The following GTPBP2 variants were observed in gnomAD, a reference collection of about 807,000 sequenced individuals.
The protein encoded by GTPBP2 is GTP binding protein 2, also known as GTP-binding protein 2.
GTPBP2 carries 32 observed loss-of-function variants against 63.0 expected under a neutral mutation model. The ratio of observed to expected loss-of-function variants is 0.51; its 90% confidence interval spans 0.38 to 0.68. The LOEUF (loss-of-function observed/expected upper bound fraction) is 0.68. Ranked by LOEUF, GTPBP2 falls within the 30% of genes least tolerant of loss-of-function variation. The pLI, the probability that GTPBP2 is intolerant of heterozygous loss-of-function variation, is 0.00. For missense variants in GTPBP2, 492 were observed against 796.9 expected (o/e 0.62, Z 4.61); for synonymous variants, 310 against 322.6 (o/e 0.96, Z 0.42).
chr6:43,629,711 C>T (rs1260562337), upstream of GTPBP2: 19 of 1,550,362 alleles, frequency 1.2e-5, no homozygotes, highest in East Asian at 1.5e-4. Flanking sequence ...CTGGTGCCGC[C>T]AGCCTGCTGG....
In GTPBP2 at chr6:43,622,479, T is replaced by C. The variant is rs1582342126; in HGVS notation, c.1467+154A>G. ...ACCTCATGAGTACGTTAAGCTGTTT[T>C]TATAGTCTACGTAGCTAGACCAGAA... On this transcript the variant is annotated intron_variant, in intron 10 of 11. Transcript: ENST00000307126. The surrounding 1 kb of genome is among the most constrained non-coding windows in gnomAD (Gnocchi z 5.4). 4.4e-6 allele frequency: 1 copy of C among 226,488 alleles called. No individual in the cohort carries two copies. The highest frequency in any genetic ancestry group is 1.8e-4 in the East Asian group (1 of 5,490). 14.0% of individuals were successfully genotyped at this position (226,488 alleles called of 1,614,324 possible). A position where few individuals can be genotyped will look rare whatever the true frequency, so the allele number is the denominator to read the frequency against.
At chr6:43,627,335 T>G (rs1769452098) in intron 1 of GTPBP2, 2 of 1,021,232 alleles carry the variant, frequency 2.0e-6, no homozygotes, top group South Asian at 8.6e-5. Flanking sequence ...AACCTTTCTT[T>G]GTCACTGGTC....
Position 43,629,114 on chromosome 6 carries a change from C to T in GTPBP2, c.49G>A (p.Gly17Arg). ...AGGGTTCCGCCCACGGCCGGGCCCC[C>T]TCCGGGCCGGCAGCAGCCGCCGAAC... ...ELFGGCCRPG[G>R]GPAVGGTLKA... The change falls in exon 1 of 12, where the codon GGG becomes AGG. Residue 17 changes from glycine (G) to arginine (R), a missense_variant. Physicochemically the swap from Gly to Arg is moderately radical, Grantham distance 125. Transcript: ENST00000307126. 6.5e-7 allele frequency: 1 copy of T among 1,540,660 alleles called. No individual in the cohort carries two copies.
Position 43,626,319 on chromosome 6 carries a change from T to G in GTPBP2, c.305A>C (p.Tyr102Ser). Residue 102 changes from tyrosine to serine, a missense_variant, in exon 3 of 12, where the codon TAC (tyrosine) becomes TCC (serine). This residue lies in a region of GTPBP2 where 400 missense variants were observed against 710.8 expected (regional missense o/e 0.56). Transcript: ENST00000307126. This position sits in a 1 kb window ranked among gnomAD's most constrained non-coding sequence, Gnocchi z 4.0. The stretch of plus-strand genomic sequence containing the variant: ...CCCATTGTCCTCTACCCCAATCTGG[T>G]AGACGGCCTCACCACGTCCCTCCTG... The part of the protein sequence containing the change: ...RLQEGRGEAV[Y>S]QIGVEDNGLL... 1 of 1,614,208 alleles carries G rather than the reference T, an allele frequency of 6.2e-7. No homozygotes were observed. Among genetic ancestry groups the G allele is most frequent in the Non-Finnish European group, 8.5e-7 (1 of 1,180,022 alleles).
At position 43,622,015 on chromosome 6, in the gene GTPBP2, C is replaced by A. The variant is rs1768781634; in HGVS notation, c.1620G>T (p.Lys540Asn). Reference sequence around the variant, plus strand: ...AGGTCCCTCTCACCTTGGCATGGATCTTTTCCACCACTGCCGTCTGACGTA... The same window carrying A: ...AGGTCCCTCTCACCTTGGCATGGATATTTTCCACCACTGCCGTCTGACGTA... ...GNVRQTAVVE[K>N]IHAKDKLRTG... The change falls in exon 11 of 12, where the codon AAG becomes AAT. Residue 540 changes from lysine to asparagine, a missense_variant. Physicochemically the swap from Lys to Asn is moderately conservative, Grantham distance 94. Around this residue, in one of 2 missense-constraint regions of GTPBP2, gnomAD observed 400 missense variants for 710.8 expected, o/e 0.56. Transcript: ENST00000307126. The surrounding 1 kb of genome is among the most constrained non-coding windows in gnomAD (Gnocchi z 5.4). 6.2e-7 allele frequency: 1 copy of A among 1,614,220 alleles called. No homozygotes were observed. The highest frequency in any genetic ancestry group is 1.3e-5 in the African/African-American group (1 of 75,050).
Position 43,626,386 on chromosome 6 carries a change from A to T in GTPBP2, c.238T>A (p.Tyr80Asn). The change falls in exon 3 of 12, where the codon TAC becomes AAC. Residue 80 changes from tyrosine (Y) to asparagine (N), a missense_variant. Coordinates refer to ENST00000307126, the MANE Select transcript of GTPBP2 (RefSeq NM_019096.5). This position sits in a 1 kb window ranked among gnomAD's most constrained non-coding sequence, Gnocchi z 4.0. ...TGTGTCACCAGGTGCTCAAAGCGGT[A>T]CTGGGATGGATTCACCAGCTTCAAC... The part of the protein sequence containing the change: ...YKLKLVNPSQ[Y>N]RFEHLVTQMK... 6.2e-7 allele frequency: 1 copy of T among 1,614,206 alleles called. No homozygotes were observed. Among genetic ancestry groups the T allele is most frequent in the Non-Finnish European group, 8.5e-7 (1 of 1,180,026 alleles).
At chr6:43,629,427 G>C, upstream of GTPBP2, 2 of 567,118 alleles carry the variant, frequency 3.5e-6, no homozygotes, top group South Asian at 2.2e-5. Context: ...CGGCGCAAGT[G>C]GCCGCGGGAG....
chr6:43,622,606 C>A lies in GTPBP2; in HGVS notation c.1467+27G>T. ...CTCCTAGGCACTTCTCTTAGCGTTCCCTCCCCAACCCATGCACCCACCTCA... is the reference window on the plus strand; with the variant it reads ...CTCCTAGGCACTTCTCTTAGCGTTCACTCCCCAACCCATGCACCCACCTCA... On this transcript the variant is annotated intron_variant, in intron 10 of 11. Coordinates refer to ENST00000307126, the MANE Select transcript of GTPBP2 (RefSeq NM_019096.5). This position sits in a 1 kb window ranked among gnomAD's most constrained non-coding sequence, Gnocchi z 5.4. The A allele has an allele frequency of 6.3e-7, 1 of 1,590,748 alleles. No individual in the cohort carries two copies. Among genetic ancestry groups the A allele is most frequent in the Middle Eastern group, 1.7e-4 (1 of 5,970 alleles).
At position 43,629,155 on chromosome 6, in the gene GTPBP2, G is replaced by A. The variant is rs1409184000; in HGVS notation, c.8C>T (p.Ser3Leu). The A allele has an allele frequency of 2.8e-6, 4 of 1,421,242 alleles. No homozygotes were observed. Among genetic ancestry groups the A allele is most frequent in the Non-Finnish European group, 3.7e-6 (4 of 1,095,254 alleles). The allele number at this position is 1,421,242 out of a possible 1,614,324, so 88.0% of individuals were successfully genotyped here. A position where few individuals can be genotyped will look rare whatever the true frequency, so the allele number is the denominator to read the frequency against. ...GCCGCCGAACAGCTCCGATACCCGC[G>A]AGTCCATCCGCCGCTGCCGCCAGCC... is the stretch of plus-strand genomic sequence containing the variant. MD[S>L]RVSELFGGCC... The change falls in exon 1 of 12, where the codon TCG (serine) becomes TTG (leucine). Residue 3 changes from serine (S) to leucine (L), a missense_variant. This residue lies in a region of GTPBP2 where 92 missense variants were observed against 86.1 expected (regional missense o/e 1.07). Coordinates refer to ENST00000307126, the MANE Select transcript of GTPBP2 (RefSeq NM_019096.5).
In GTPBP2 at chr6:43,628,993, G is replaced by C. The variant is rs774793705; in HGVS notation, c.170C>G (p.Pro57Arg). ...RNRGGKANNP[P>R]YLPPEAEDGN... Reference sequence around the variant, plus strand: ...GGTGCTCACCTCGGGGGGCAAATACGGGGGGTTGTTGGCTTTGCCCCCTCT... The same window carrying C: ...GGTGCTCACCTCGGGGGGCAAATACCGGGGGTTGTTGGCTTTGCCCCCTCT... Residue 57 changes from proline (P) to arginine (R), a missense_variant, in exon 1 of 12, where the codon CCG (proline) becomes CGG (arginine). Physicochemically the swap from Pro to Arg is moderately radical, Grantham distance 103. Transcript: ENST00000307126. 1 of 1,613,630 alleles carries C rather than the reference G, an allele frequency of 6.2e-7. No homozygotes were observed. Among genetic ancestry groups the C allele is most frequent in the Non-Finnish European group, 8.5e-7 (1 of 1,179,640 alleles).
chr6:43,629,215 TCGC>T lies in GTPBP2; in HGVS notation c.-56_-54del. On this transcript the variant is annotated 5_prime_UTR_variant, in exon 1 of 12. Coordinates refer to ENST00000307126, the MANE Select transcript of GTPBP2 (RefSeq NM_019096.5). ...GCCCCTCCCCCGACCGCCGCCGCCGTCGCCGCCGCCCTTACTGCCACTGCCGTG... is the reference window on the plus strand; with the variant it reads ...GCCCCTCCCCCGACCGCCGCCGCCGTCGCCGCCCTTACTGCCACTGCCGTG... 8.4e-7 allele frequency: 1 copy of T among 1,192,908 alleles called. No homozygotes were observed. The highest frequency in any genetic ancestry group is 1.1e-6 in the Non-Finnish European group (1 of 940,712). 73.9% of individuals were successfully genotyped at this position (1,192,908 alleles called of 1,614,324 possible).
Position 43,625,164 on chromosome 6 carries a change from T to C in GTPBP2, c.706-102A>G. On this transcript the variant is annotated intron_variant, in intron 5 of 11. Coordinates refer to ENST00000307126, the MANE Select transcript of GTPBP2 (RefSeq NM_019096.5). The surrounding 1 kb of genome is among the most constrained non-coding windows in gnomAD (Gnocchi z 5.1). ...TTCCCTGGGTGACCCTGCCTCTTAA[T>C]CTTGACCCCATTTTTTATTTAATTT... The C allele has an allele frequency of 8.5e-7, 1 of 1,181,838 alleles. No homozygotes were observed. Among genetic ancestry groups the C allele is most frequent in the East Asian group, 2.3e-5 (1 of 42,740 alleles). The allele number at this position is 1,181,838 out of a possible 1,614,324, so 73.2% of individuals were successfully genotyped here. A position where few individuals can be genotyped will look rare whatever the true frequency, so the allele number is the denominator to read the frequency against.
upstream of GTPBP2, chr6:43,629,273 G>T: frequency 1.2e-6 from 1 of 815,054 alleles, no homozygotes; most frequent in Non-Finnish European, 1.8e-6. Context: ...GTGGGGTGGG[G>T]CTCTGCACAA....
At position 43,620,992 on chromosome 6, in the gene GTPBP2, G is replaced by A. The variant is rs1428497850; in HGVS notation, c.*622C>T. On this transcript the variant is annotated 3_prime_UTR_variant, in exon 12 of 12. Coordinates refer to ENST00000307126, the MANE Select transcript of GTPBP2 (RefSeq NM_019096.5). ...GCCGGGAGGGGATGGGGGAGATAGG[G>A]ACTGGGGAAATGGCCCTTGAGTGAA... The A allele has an allele frequency of 5.1e-6, 1 of 194,614 alleles. No individual in the cohort carries two copies. Among genetic ancestry groups the A allele is most frequent in the South Asian group, 9.9e-5 (1 of 10,092 alleles). 12.1% of individuals were successfully genotyped at this position (194,614 alleles called of 1,614,324 possible). A position where few individuals can be genotyped will look rare whatever the true frequency, so the allele number is the denominator to read the frequency against.
Position 43,625,176 on chromosome 6 carries a change from T to C in GTPBP2, c.706-114A>G. The C allele has an allele frequency of 8.8e-7, 1 of 1,130,690 alleles. No individual in the cohort carries two copies. Among genetic ancestry groups the C allele is most frequent in the Non-Finnish European group, 1.3e-6 (1 of 780,798 alleles). The allele number at this position is 1,130,690 out of a possible 1,614,324, so 70.0% of individuals were successfully genotyped here. A position where few individuals can be genotyped will look rare whatever the true frequency, so the allele number is the denominator to read the frequency against. ...CCCTGCCTCTTAATCTTGACCCCAT[T>C]TTTTATTTAATTTAGTTGATTCCCC... On this transcript the variant is annotated intron_variant, in intron 5 of 11. Transcript: ENST00000307126. The surrounding 1 kb of genome is among the most constrained non-coding windows in gnomAD (Gnocchi z 5.1).
Position 43,625,806 on chromosome 6 carries a change from G to C in GTPBP2, c.457C>G (p.Pro153Ala). ...ACTAGCACCTCGGTGATCTTCCGGGGCATGTCGCTATCATAATCCACTTCT... is the reference window on the plus strand; with the variant it reads ...ACTAGCACCTCGGTGATCTTCCGGGCCATGTCGCTATCATAATCCACTTCT... ...EREVDYDSDM[P>A]RKITEVLVRK... Residue 153 changes from proline to alanine, a missense_variant, in exon 4 of 12, where the codon CCC (proline) becomes GCC (alanine). Pro to Ala is a conservative substitution (Grantham distance 27). Around this residue, in one of 2 missense-constraint regions of GTPBP2, gnomAD observed 400 missense variants for 710.8 expected, o/e 0.56. Coordinates refer to ENST00000307126, the MANE Select transcript of GTPBP2 (RefSeq NM_019096.5). This position sits in a 1 kb window ranked among gnomAD's most constrained non-coding sequence, Gnocchi z 5.1. 1 of 1,614,032 alleles carries C rather than the reference G, an allele frequency of 6.2e-7. No individual in the cohort carries two copies. Among genetic ancestry groups the C allele is most frequent in the Non-Finnish European group, 8.5e-7 (1 of 1,179,972 alleles).
Position 43,624,983 on chromosome 6 carries a change from G to A in GTPBP2, c.785C>T (p.Ala262Val), listed in dbSNP as rs1769180115. Residue 262 changes from alanine (A) to valine (V), a missense_variant, in exon 6 of 12, where the codon GCA becomes GTA. Coordinates refer to ENST00000307126, the MANE Select transcript of GTPBP2 (RefSeq NM_019096.5). This position sits in a 1 kb window ranked among gnomAD's most constrained non-coding sequence, Gnocchi z 5.1. Reference protein sequence around the residue: ...SSKMITFIDLAGHHKYLHTTI... With the variant: ...SSKMITFIDLVGHHKYLHTTI... ...GGTGTGTAGGTACTTATGGTGGCCT[G>A]CCAGGTCGATGAAGGTGATCATCTT... The A allele has an allele frequency of 1.9e-6, 3 of 1,613,796 alleles. No individual in the cohort carries two copies. The highest frequency in any genetic ancestry group is 2.5e-6 in the Non-Finnish European group (3 of 1,179,930).
At chr6:43,623,039 C>G in intron 9 of GTPBP2, 1 of 528,246 alleles carries the variant, frequency 1.9e-6, no homozygotes, top group Non-Finnish European at 3.4e-6. Context: ...GGTTTAACAA[C>G]ACCGAACACC....
At position 43,626,319 on chromosome 6, in the gene GTPBP2, T is replaced by TA; in HGVS notation, c.304dup (p.Tyr102LeufsTer16). The TA allele has an allele frequency of 6.2e-7, 1 of 1,614,208 alleles. No individual in the cohort carries two copies. The highest frequency in any genetic ancestry group is 8.5e-7 in the Non-Finnish European group (1 of 1,180,022). On this transcript the variant is annotated frameshift_variant, in exon 3 of 12. Transcript: ENST00000307126. LOFTEE classifies it high-confidence loss of function. The surrounding 1 kb of genome is among the most constrained non-coding windows in gnomAD (Gnocchi z 4.0). The stretch of plus-strand genomic sequence containing the variant: ...CCCATTGTCCTCTACCCCAATCTGG[T>TA]AGACGGCCTCACCACGTCCCTCCTG...
Sources: gnomAD v4.1 joint callset for allele counts on GRCh38, gnomAD v4.1.1 for gene constraint, gnomAD v4.1.1 regional missense constraint, Gnocchi (gnomAD v3.1) non-coding constraint, MANE v1.5 for transcripts, NCBI Gene and HGNC (gene_info 2026-07-23, HGNC 2026-07-21) for gene names.